The following ELMO1 variants were observed in gnomAD, a reference collection of about 807,000 sequenced individuals.
ELMO1 encodes the protein engulfment and cell motility protein 1.
A neutral mutation model predicts 98.9 loss-of-function variants in ELMO1; 26 were observed. That is an observed-to-expected ratio of 0.26 (90% CI 0.19 to 0.36). The LOEUF (loss-of-function observed/expected upper bound fraction) is 0.36, where lower values mean the gene tolerates loss of function less well. ELMO1 is among the 10% of genes least tolerant of loss of function. ELMO1 has a pLI of 1.00. For missense variants in ELMO1, 627 were observed against 935.2 expected (o/e 0.67, Z 4.30); for synonymous variants, 346 against 346.0 (o/e 1.00, Z 0.00).
intron 4 of ELMO1, among the ~76,000 whole-genome samples, chr7:37,313,444 C>T (rs1178296306): frequency 3.3e-5 from 5 of 150,168 alleles, no homozygotes; most frequent in African/African-American, 1.0e-4. Flanking sequence ...AGGCTGATCT[C>T]GAACTCCTGA....
chr7:37,315,064 C>A, intron 3 of ELMO1, 142 bp from the exon 4 acceptor site: 1 of 684,358 alleles, frequency 1.5e-6, no homozygotes, highest in Non-Finnish European at 2.4e-6. Context: ...GTTCCTAAAG[C>A]AAAATGACTT....
Position 37,096,706 on chromosome 7 carries a change from G to T in ELMO1, c.1213C>A (p.Arg405=), listed in dbSNP as rs1439909589. ...YIRIVLENSS[R]EDKHECPFGR... is the part of the protein sequence containing the mutation. ...AAGGGACATTCATGCTTGTCTTCTC[G>T]ACTACTGTTCTCAAGCACAATCTGT... Residue 405 remains arginine (R), a synonymous_variant, in exon 15 of 22, where the codon CGA becomes AGA. Coordinates refer to ENST00000310758, the MANE Select transcript of ELMO1 (RefSeq NM_014800.11). 8 of 1,614,006 alleles carry T rather than the reference G, an allele frequency of 5.0e-6. No individual in the cohort carries two copies. The highest frequency in any genetic ancestry group is 6.8e-6 in the Non-Finnish European group (8 of 1,179,958).
chr7:36,922,677 G>A (rs572110146), intron 16 of ELMO1, among the ~76,000 whole-genome samples: 15 of 152,264 alleles, frequency 9.9e-5, no homozygotes, highest in African/African-American at 3.4e-4. Context: ...TGCTGCTGCC[G>A]GGAGGGCATC....
chr7:36,908,371 G>C (rs1391511139), intron 16 of ELMO1, among the ~76,000 whole-genome samples: 1 of 152,088 alleles, frequency 6.6e-6, no homozygotes, highest in East Asian at 1.9e-4. Context: ...AATGTCTAAG[G>C]AACTTTCTTA....
Position 37,345,595 on chromosome 7 carries a change from T to G in ELMO1, c.-73-2832A>C, listed in dbSNP as rs1028403663. ...GCGTGGTGGTGCTTGTAATCGCAGC[T>G]ACTCGGGAGGCTGTGACAAGAGAAT... On this transcript the variant is annotated intron_variant, in intron 1 of 21. Transcript: ENST00000310758. Among the ~76,000 whole-genome samples the G allele has an allele frequency of 1.3e-4, 20 of 151,812 alleles. No homozygotes were observed. The East Asian group carries it at 3.9e-3, about 29-fold the overall frequency.
intron 15 of ELMO1, among the ~76,000 whole-genome samples, chr7:37,091,759 G>A (rs1385887868): frequency 1.3e-5 from 2 of 152,196 alleles, no homozygotes; most frequent in Admixed American, 6.5e-5. Context: ...ACAGCACCAC[G>A]TGGCTGGGGA....
chr7:37,387,756 G>A (rs12055943), intron 1 of ELMO1, among the ~76,000 whole-genome samples: 16,170 of 152,134 alleles, frequency 0.11, 1,469 homozygotes, highest in East Asian at 0.37. Context: ...TATAGAAAAG[G>A]CTCAGAAAAA....
chr7:37,347,573 T>C (rs1254285327), intron 1 of ELMO1, among the ~76,000 whole-genome samples: 1 of 152,132 alleles, frequency 6.6e-6, no homozygotes, highest in East Asian at 1.9e-4. Flanking sequence ...TCTGATGGCT[T>C]TATAAGGGGA....
At chr7:37,228,106 AT>A (rs1793967182) in intron 8 of ELMO1, among the ~76,000 whole-genome samples, 1 of 149,096 alleles carries the variant, frequency 6.7e-6, no homozygotes, top group African/African-American at 2.6e-5. Context: ...CTTTTGTTTT[AT>A]TTGTCACTGG....
At chr7:36,864,177 G>C (rs1802847782) in intron 20 of ELMO1, among the ~76,000 whole-genome samples, 1 of 152,220 alleles carries the variant, frequency 6.6e-6, no homozygotes, top group South Asian at 2.1e-4. Flanking sequence ...CAGCACTGCA[G>C]CCCAGATGTG....
chr7:37,217,271 T>C (rs1563083378), intron 10 of ELMO1, among the ~76,000 whole-genome samples: 1 of 152,172 alleles, frequency 6.6e-6, no homozygotes, highest in Admixed American at 6.5e-5. Flanking sequence ...CTGCAGGTTG[T>C]TTTGTGCCTT....
intron 4 of ELMO1, among the ~76,000 whole-genome samples, chr7:37,288,480 C>T (rs1267389137): frequency 6.6e-6 from 1 of 152,224 alleles, no homozygotes; most frequent in Non-Finnish European, 1.5e-5. Flanking sequence ...CCACCTCATC[C>T]TCCCAAAGTG....
chr7:37,051,581 G>GT (rs34978964), intron 15 of ELMO1, among the ~76,000 whole-genome samples: 12,925 of 144,984 alleles, frequency 0.089, 762 homozygotes, highest in African/African-American at 0.18. Context: ...ACTTAAAGGT[G>GT]TTTTTTTTTT....
intron 16 of ELMO1, among the ~76,000 whole-genome samples, chr7:36,996,149 T>C (rs1348202852): frequency 6.6e-6 from 1 of 152,210 alleles, no homozygotes; most frequent in African/African-American, 2.4e-5. Context: ...CCCTTTCCTT[T>C]TCTTTTGGAA....
intron 16 of ELMO1, among the ~76,000 whole-genome samples, chr7:36,949,331 G>T (rs1486782588): frequency 1.3e-5 from 2 of 152,156 alleles, no homozygotes; most frequent in Non-Finnish European, 2.9e-5. Flanking sequence ...ACAAATGGAG[G>T]ATATAAATAT....
chr7:37,050,741 G>T (rs1356923156), intron 15 of ELMO1, among the ~76,000 whole-genome samples: 1 of 149,216 alleles, frequency 6.7e-6, no homozygotes, highest in Non-Finnish European at 1.5e-5. Flanking sequence ...AAAACATCAT[G>T]TGGTACACCT....
intron 15 of ELMO1, among the ~76,000 whole-genome samples, chr7:37,053,116 T>C (rs1584570644): frequency 1.3e-5 from 2 of 152,152 alleles, no homozygotes; most frequent in Admixed American, 1.3e-4. Context: ...AAAAAGTCTT[T>C]AGGTTATTTA....
At chr7:36,906,704 T>A (rs1783988473) in intron 16 of ELMO1, among the ~76,000 whole-genome samples, 1 of 151,664 alleles carries the variant, frequency 6.6e-6, no homozygotes. Context: ...GGTGGGAGGA[T>A]CGCTTGAGCC....
intron 13 of ELMO1, among the ~76,000 whole-genome samples, chr7:37,199,040 G>A (rs185539355): frequency 4.6e-5 from 7 of 152,238 alleles, no homozygotes; most frequent in Non-Finnish European, 1.5e-5. Context: ...TGATAGGCGC[G>A]CCCCCTAGTG....
Sources: gnomAD v4.1 joint callset for allele counts (sites outside exome capture counted in the v4.1 genomes callset) on GRCh38, gnomAD v4.1.1 for gene constraint, MANE v1.5 for transcripts, NCBI Gene and HGNC (gene_info 2026-07-23, HGNC 2026-07-21) for gene names.